VSTM2A: variants seen among roughly 807,000 people sequenced by gnomAD.
VSTM2A encodes the protein V-set and transmembrane domain-containing protein 2A.
In VSTM2A, 13 loss-of-function variants were observed where a neutral mutation model predicts 27.3. The observed-to-expected ratio is 0.48, with a 90% CI of 0.31 to 0.76. The LOEUF (loss-of-function observed/expected upper bound fraction) is 0.76. VSTM2A is among the 30% of genes least tolerant of loss of function. VSTM2A has a pLI of 0.05. For missense variants in VSTM2A, 280 were observed against 310.0 expected (o/e 0.90, Z 0.73); for synonymous variants, 142 against 125.7 (o/e 1.13, Z -0.87).
chr7:54,568,794 C>T (rs1408336519), intron 4 of VSTM2A, among the ~76,000 whole-genome samples: 4 of 152,126 alleles, frequency 2.6e-5, no homozygotes, highest in Non-Finnish European at 5.9e-5. Flanking sequence ...CGTGGGGTGG[C>T]ATTGTTTGAA....
At position 54,567,441 on chromosome 7, in the gene VSTM2A, G is replaced by A. The variant is rs149513515; in HGVS notation, c.635-1690G>A. ...TGCACATGCTGGATATAGTATGATA[G>A]GAAATGCTGCATCAAAATGAAGCAG... On this transcript the variant is annotated intron_variant, in intron 4 of 4. Coordinates refer to ENST00000402613, the MANE Select transcript of VSTM2A (RefSeq NM_001301009.2). 4.8e-3 allele frequency among the ~76,000 whole-genome samples: 731 copies of A among 151,076 alleles called. 9 individuals are homozygous for A. The highest frequency in any genetic ancestry group is 0.017 in the African/African-American group (691 of 40,396).
intron 2 of VSTM2A, among the ~76,000 whole-genome samples, chr7:54,545,228 C>T (rs1228269311): frequency 6.6e-6 from 1 of 151,698 alleles, no homozygotes; most frequent in Admixed American, 6.6e-5. Context: ...GGCTGAACAA[C>T]CAGAGAACCA....
chr7:54,556,270 G>A (rs573314628), intron 4 of VSTM2A, among the ~76,000 whole-genome samples: 2 of 152,164 alleles, frequency 1.3e-5, no homozygotes, highest in South Asian at 4.1e-4. Flanking sequence ...TAGTAGCTCA[G>A]CAGGAATGCT....
At chr7:54,550,370 T>C in intron 4 of VSTM2A, 200 bp downstream of exon 4, 1 of 1,414,066 alleles carries the variant, frequency 7.1e-7, no homozygotes, top group Non-Finnish European at 9.3e-7. Flanking sequence ...ACCCCGTCAG[T>C]CCCCTAGTGG....
intron 3 of VSTM2A, among the ~76,000 whole-genome samples, chr7:54,549,160 C>T (rs1194478171): frequency 6.6e-6 from 1 of 152,004 alleles, no homozygotes; most frequent in Non-Finnish European, 1.5e-5. Flanking sequence ...TTATCGATGG[C>T]ATCCCAAGTC....
Position 54,547,439 on chromosome 7 carries a change from G to C in VSTM2A, c.297+442G>C, listed in dbSNP as rs1241230604. Among the ~76,000 whole-genome samples, 21 of 152,280 alleles carry C rather than the reference G, an allele frequency of 1.4e-4. 1 individual carries two copies. On this transcript the variant is annotated intron_variant, in intron 3 of 4. Coordinates refer to ENST00000402613, the MANE Select transcript of VSTM2A (RefSeq NM_001301009.2). ...GAAATTAAGCAACTAAATTTTGAAT[G>C]TCACTTTAATGCATGGAATGTATTT...
intron 3 of VSTM2A, 36 bp downstream of exon 3, chr7:54,547,033 G>T (rs77311958): frequency 4.5e-6 from 7 of 1,557,490 alleles, no homozygotes; most frequent in Non-Finnish European, 6.1e-6. Context: ...GCGGGCCCAG[G>T]CTCGGGACGC....
At chr7:54,552,035 G>C (rs1788217221) in intron 4 of VSTM2A, 1 of 152,120 alleles carries the variant, frequency 6.6e-6, no homozygotes, top group South Asian at 2.1e-4. Context: ...TTAGCGCTGT[G>C]ATTAGTGCTA....
chr7:54,553,788 C>T, intron 4 of VSTM2A: 1 of 1,530,686 alleles, frequency 6.5e-7, no homozygotes, highest in Non-Finnish European at 8.8e-7. Context: ...GAACACAGGA[C>T]TCAACGCCCC....
intron 4 of VSTM2A, among the ~76,000 whole-genome samples, chr7:54,562,947 TAGTTTCA>T (rs1367530559): frequency 6.6e-6 from 1 of 152,194 alleles, no homozygotes; most frequent in African/African-American, 2.4e-5. Context: ...TGTGACTAAA[TAGTTTCA>T]AGCATTTTAG....
chr7:54,544,575 G>A (rs764225201), intron 1 of VSTM2A, 47 bp from the exon 2 acceptor site: 3 of 1,610,930 alleles, frequency 1.9e-6, no homozygotes, highest in Non-Finnish European at 2.5e-6. Context: ...AGAGACTCAG[G>A]CAAGAGGGGT....
In VSTM2A at chr7:54,542,720, C is replaced by T; in HGVS notation, c.-11C>T. On this transcript the variant is annotated 5_prime_UTR_variant, in exon 1 of 5. Coordinates refer to ENST00000402613, the MANE Select transcript of VSTM2A (RefSeq NM_001301009.2). ...TTGGCTACACTGATGTGACCCCCCT[C>T]CCTTTTTGGAATGATGGGGATCTTT... The T allele has an allele frequency of 6.2e-7, 1 of 1,613,454 alleles. No individual in the cohort carries two copies. Among genetic ancestry groups the T allele is most frequent in the Middle Eastern group, 1.7e-4 (1 of 6,058 alleles).
intron 2 of VSTM2A, among the ~76,000 whole-genome samples, chr7:54,545,958 T>G (rs1468284754): frequency 1.7e-5 from 1 of 57,256 alleles, no homozygotes; most frequent in Non-Finnish European, 3.2e-5. Flanking sequence ...GCAGAGAGAA[T>G]GAGGGGGAAG....
At chr7:54,548,013 A>G (rs1051195932) in intron 3 of VSTM2A, among the ~76,000 whole-genome samples, 5 of 152,220 alleles carry the variant, frequency 3.3e-5, no homozygotes, top group African/African-American at 4.8e-5. Flanking sequence ...ACTTTTTAGA[A>G]TACTTCAATT....
At chr7:54,557,250 A>G (rs1257050858) in intron 4 of VSTM2A, 1 of 152,004 alleles carries the variant, frequency 6.6e-6, no homozygotes, top group African/African-American at 2.4e-5. Context: ...CACAGCGGTT[A>G]AAGAGGAAGG....
intron 3 of VSTM2A, among the ~76,000 whole-genome samples, chr7:54,548,234 A>G (rs1239952974): frequency 6.6e-6 from 1 of 152,208 alleles, no homozygotes; most frequent in Non-Finnish European, 1.5e-5. Context: ...CCCCTGATGC[A>G]TACATTGAGA....
At chr7:54,546,377 G>A (rs1374349118) in intron 2 of VSTM2A, among the ~76,000 whole-genome samples, 2 of 151,878 alleles carry the variant, frequency 1.3e-5, no homozygotes. Context: ...GGGAGACCTA[G>A]TTGAGCGAGA....
chr7:54,564,462 G>C (rs979138981), intron 4 of VSTM2A, among the ~76,000 whole-genome samples: 2 of 152,174 alleles, frequency 1.3e-5, no homozygotes, highest in Non-Finnish European at 2.9e-5. Flanking sequence ...AACTAAACTT[G>C]TATTTACACA....
At chr7:54,547,232 T>C in intron 3 of VSTM2A, 1 of 442,474 alleles carries the variant, frequency 2.3e-6, no homozygotes, top group Non-Finnish European at 3.9e-6. Flanking sequence ...TCCAGAGAGG[T>C]TGTGTGACAC....
Sources: allele counts gnomAD v4.1 joint callset (sites outside exome capture counted in the v4.1 genomes callset), GRCh38; gene constraint gnomAD v4.1.1; transcripts MANE v1.5; gene names NCBI Gene and HGNC (gene_info 2026-07-23, HGNC 2026-07-21).